The following UBA2 variants were observed in gnomAD, a reference collection of about 807,000 sequenced individuals.
UBA2 encodes ubiquitin like modifier activating enzyme 2.
In UBA2, 11 loss-of-function variants were observed where a neutral mutation model predicts 77.2. The observed-to-expected ratio is 0.14, with a 90% CI of 0.09 to 0.24. The LOEUF (loss-of-function observed/expected upper bound fraction) is 0.24. Among genes scored for constraint, UBA2 ranks in the 10% least tolerant of loss-of-function variants. The probability of loss-of-function intolerance (pLI) is 1.00; values close to 1 mark genes in which losing one functional copy is unlikely to be tolerated. For synonymous variants in UBA2, 278 were observed against 276.7 expected, an observed-to-expected ratio of 1.00 and a Z score of -0.05; for missense variants, 487 against 781.7, an observed-to-expected ratio of 0.62 and a Z score of 4.50.
intron 6 of UBA2, among the ~76,000 whole-genome samples, chr19:34,441,602 A>T (rs2075370411): frequency 6.6e-6 from 1 of 152,218 alleles, no homozygotes; most frequent in Non-Finnish European, 1.5e-5. Context: ...AAGTATACAT[A>T]ACAGTGTCAA....
intron 1 of UBA2, chr19:34,429,248 A>G (rs2075224342): frequency 1.0e-6 from 1 of 985,260 alleles, no homozygotes; most frequent in African/African-American, 1.7e-5. Context: ...TTCATTAAAG[A>G]CGTTAGGACT....
intron 12 of UBA2, among the ~76,000 whole-genome samples, chr19:34,455,474 T>C (rs910449509): frequency 2.6e-5 from 4 of 152,158 alleles, no homozygotes; most frequent in Non-Finnish European, 5.9e-5. Context: ...GACACTTCGC[T>C]TTCTTACCAG....
rs954083783 is a variant in UBA2, at chr19:34,458,669, G to A, written c.1246-100G>A. The A allele has an allele frequency of 8.9e-6, 9 of 1,014,042 alleles. No homozygotes were observed. The South Asian group carries it at 1.8e-4, about 20-fold the overall frequency. The allele number at this position is 1,014,042 out of a possible 1,614,324, so 62.8% of individuals were successfully genotyped here. ...TTGCCATCTGGACGGGAATTTTTAA[G>A]TCATTTTTTATTGGATATCTGGTAA... On this transcript the variant is annotated intron_variant, in intron 12 of 16. Coordinates refer to ENST00000246548, the MANE Select transcript of UBA2 (RefSeq NM_005499.3).
At chr19:34,433,215 ATC>A in intron 3 of UBA2, 131 bp from the exon 4 acceptor site, 4 of 628,964 alleles carry the variant, frequency 6.4e-6, no homozygotes, top group South Asian at 6.1e-5. Flanking sequence ...AAACCTTACT[ATC>A]TATATGACAT....
chr19:34,455,095 T>C (rs1010119563), intron 12 of UBA2, among the ~76,000 whole-genome samples: 8 of 152,212 alleles, frequency 5.3e-5, no homozygotes, highest in Non-Finnish European at 1.2e-4. Flanking sequence ...TAGGGACCCA[T>C]TGTAGATGTA....
At chr19:34,461,284 T>C (rs930408362) in intron 14 of UBA2, among the ~76,000 whole-genome samples, 1 of 152,204 alleles carries the variant, frequency 6.6e-6, no homozygotes, top group Non-Finnish European at 1.5e-5. Flanking sequence ...TATTTGTCCA[T>C]TGGTCATTTA....
chr19:34,432,252 GTT>G (rs2075264049), intron 3 of UBA2, among the ~76,000 whole-genome samples: 1 of 152,120 alleles, frequency 6.6e-6, no homozygotes, highest in African/African-American at 2.4e-5. Flanking sequence ...TTTCTAAAGT[GTT>G]TGCCTTTTTT....
In UBA2 at chr19:34,458,843, T is replaced by C. The variant is rs779182762; in HGVS notation, c.1320T>C (p.Asn440=). 3.7e-6 allele frequency: 6 copies of C among 1,613,982 alleles called. No individual in the cohort carries two copies. In the Admixed American group the frequency reaches 8.3e-5, roughly 22 times the overall value. Residue 440 remains asparagine, a synonymous_variant, in exon 13 of 17, where the codon AAT becomes AAC. Transcript: ENST00000246548. ...VPCALDPPNP[N]CYVCASKPEV... ...GTGCACTGGATCCTCCCAACCCCAA[T>C]TGTTATGTATGTGCCAGCAAGCCAG...
At chr19:34,435,014 G>A (rs759575438) in intron 5 of UBA2, 46 bp downstream of exon 5, 1 of 1,295,458 alleles carries the variant, frequency 7.7e-7, no homozygotes, top group Non-Finnish European at 1.1e-6. Flanking sequence ...ATTTATTTGA[G>A]ACCTTGGAGC....
chr19:34,456,922 T>G (rs2075569507), intron 12 of UBA2, among the ~76,000 whole-genome samples: 1 of 151,800 alleles, frequency 6.6e-6, no homozygotes, highest in African/African-American at 2.4e-5. Flanking sequence ...TAGTATCCCT[T>G]TGAGCTCACC....
At chr19:34,454,384 A>T in intron 11 of UBA2, 31 bp downstream of exon 11, 1 of 1,592,310 alleles carries the variant, frequency 6.3e-7, no homozygotes, top group African/African-American at 1.4e-5. Context: ...TTGTATCACT[A>T]AAACCTTGAA....
intron 15 of UBA2, among the ~76,000 whole-genome samples, chr19:34,465,255 A>G (rs183127274): frequency 1.4e-4 from 21 of 152,290 alleles, no homozygotes; most frequent in Admixed American, 2.6e-4. Flanking sequence ...TATTTTGTCA[A>G]TATTTTCATG....
chr19:34,442,982 CTT>C (rs2075386884), intron 6 of UBA2, among the ~76,000 whole-genome samples: 1 of 152,098 alleles, frequency 6.6e-6, no homozygotes, highest in Non-Finnish European at 1.5e-5. Context: ...ATACTGGAAA[CTT>C]TTATATCCAT....
chr19:34,433,821 G>A (rs2075281095), intron 4 of UBA2, among the ~76,000 whole-genome samples: 1 of 152,144 alleles, frequency 6.6e-6, no homozygotes, highest in Non-Finnish European at 1.5e-5. Flanking sequence ...TAGCCGGTGT[G>A]GTGGCATGTG....
At chr19:34,434,451 C>T (rs1199055366) in intron 4 of UBA2, among the ~76,000 whole-genome samples, 1 of 152,156 alleles carries the variant, frequency 6.6e-6, no homozygotes, top group African/African-American at 2.4e-5. Context: ...ATCTTTTTTC[C>T]CTAGCCTTAA....
Position 34,469,175 on chromosome 19 carries a change from G to A in UBA2, c.1877G>A (p.Arg626His). 2 of 1,610,486 alleles carry A rather than the reference G, an allele frequency of 1.2e-6. No homozygotes were observed. Among genetic ancestry groups the A allele is most frequent in the South Asian group, 1.1e-5 (1 of 90,230 alleles). Residue 626 changes from arginine (R) to histidine (H), a missense_variant, in exon 17 of 17, where the codon CGT becomes CAT. Physicochemically the swap from Arg to His is conservative, Grantham distance 29 (BLOSUM62 0). Coordinates refer to ENST00000246548, the MANE Select transcript of UBA2 (RefSeq NM_005499.3). ...EKENLSAKRSRIEQKEELDDV... is the reference protein window; with the variant it reads ...EKENLSAKRSHIEQKEELDDV... The stretch of plus-strand genomic sequence containing the variant: ...GAGAATCTCAGTGCAAAGAGGTCAC[G>A]TATAGAACAGAAGGAAGAGCTTGAT...
rs1370345747 is a variant in UBA2, at chr19:34,466,799, T to A, written c.1605-79T>A. 2.2e-6 allele frequency: 3 copies of A among 1,347,958 alleles called. No homozygotes were observed. The East Asian group carries it at 6.9e-5, about 31-fold the overall frequency. The allele number at this position is 1,347,958 out of a possible 1,614,324, so 83.5% of individuals were successfully genotyped here. A position where few individuals can be genotyped will look rare whatever the true frequency, so the allele number is the denominator to read the frequency against. Reference sequence around the variant, plus strand: ...ATTTGGTGTATACATAGTGTATGCTTTGAGGAACAACAGGATTTCTCTGGT... The same window carrying A: ...ATTTGGTGTATACATAGTGTATGCTATGAGGAACAACAGGATTTCTCTGGT... On this transcript the variant is annotated intron_variant, in intron 15 of 16. Transcript: ENST00000246548.
Position 34,469,336 on chromosome 19 carries a change from T to C in UBA2, c.*115T>C. On this transcript the variant is annotated 3_prime_UTR_variant, in exon 17 of 17. Coordinates refer to ENST00000246548, the MANE Select transcript of UBA2 (RefSeq NM_005499.3). ...TTGACAGCAGTGACTTGAAAATGAT[T>C]CTGCTCCCTTTGAAAGCATTCATTT... The C allele has an allele frequency of 1.1e-6, 1 of 945,040 alleles. No homozygotes were observed. Among genetic ancestry groups the C allele is most frequent in the East Asian group, 2.9e-5 (1 of 34,460 alleles). The allele number at this position is 945,040 out of a possible 1,614,324, so 58.5% of individuals were successfully genotyped here. A position where few individuals can be genotyped will look rare whatever the true frequency, so the allele number is the denominator to read the frequency against.
At chr19:34,439,016 G>A (rs528113826) in intron 6 of UBA2, among the ~76,000 whole-genome samples, 10 of 152,032 alleles carry the variant, frequency 6.6e-5, no homozygotes, top group Middle Eastern at 3.4e-3. Flanking sequence ...TGAGACCAGC[G>A]TGGCCAGCAT....
Sources: allele counts gnomAD v4.1 joint callset (sites outside exome capture counted in the v4.1 genomes callset), GRCh38; gene constraint gnomAD v4.1.1; transcripts MANE v1.5; gene names NCBI Gene and HGNC (gene_info 2026-07-23, HGNC 2026-07-21).